LMBR1: variants seen among roughly 807,000 people sequenced by gnomAD.
LMBR1 encodes the protein limb development membrane protein 1.
In LMBR1, 52 loss-of-function variants were observed where a neutral mutation model predicts 73.9. That is an observed-to-expected ratio of 0.70 (90% CI 0.56 to 0.89). The LOEUF is 0.89. LMBR1 is among the 40% of genes least tolerant of loss of function. The pLI is 0.00. For missense variants in LMBR1, 539 were observed against 579.8 expected, an observed-to-expected ratio of 0.93 and a Z score of 0.72; for synonymous variants, 215 against 209.4, an observed-to-expected ratio of 1.03 and a Z score of -0.23.
chr7:156,719,482 T>G (rs1439959472), intron 15 of LMBR1, among the ~76,000 whole-genome samples: 3 of 152,186 alleles, frequency 2.0e-5, no homozygotes, highest in Non-Finnish European at 2.9e-5. Context: ...AAACATTCCA[T>G]GCTCATGGGT....
intron 15 of LMBR1, among the ~76,000 whole-genome samples, chr7:156,712,335 C>T (rs1406397478): frequency 1.3e-5 from 2 of 151,732 alleles, no homozygotes; most frequent in Non-Finnish European, 2.9e-5. Context: ...GTCAGAATGG[C>T]TACTATTAAA....
intron 4 of LMBR1, chr7:156,823,129 AAAAT>A (rs1013103057): frequency 1.3e-5 from 2 of 151,316 alleles, no homozygotes; most frequent in South Asian, 2.1e-4. Flanking sequence ...TTATAATAAT[AAAAT>A]AAATAAATAA....
rs370168313 is a variant in LMBR1, at chr7:156,798,519, T to C, written c.320-2027A>G. Among the ~76,000 whole-genome samples, 7 of 152,298 alleles carry C rather than the reference T, an allele frequency of 4.6e-5. 1 individual carries two copies. The highest frequency in any genetic ancestry group is 1.7e-4 in the African/African-American group (7 of 41,552). On this transcript the variant is annotated intron_variant, in intron 4 of 16. Transcript: ENST00000353442. Reference sequence around the variant, plus strand: ...ATACGCAACTTTTAAAAGTTGTATCTAAAGAATAAATTGACCTGGATCAAA... The same window carrying C: ...ATACGCAACTTTTAAAAGTTGTATCCAAAGAATAAATTGACCTGGATCAAA...
intron 1 of LMBR1, among the ~76,000 whole-genome samples, chr7:156,837,959 G>A (rs980775869): frequency 6.6e-6 from 1 of 151,764 alleles, no homozygotes; most frequent in East Asian, 1.9e-4. Flanking sequence ...GCTAATTCTT[G>A]TATTTTTTGG....
intron 15 of LMBR1, among the ~76,000 whole-genome samples, chr7:156,718,738 GA>G (rs979432630): frequency 1.3e-5 from 2 of 151,890 alleles, no homozygotes; most frequent in Admixed American, 1.3e-4. Context: ...ATCTGTTTCA[GA>G]AAAAAGAAAA....
At chr7:156,719,274 T>C (rs974278326) in intron 15 of LMBR1, among the ~76,000 whole-genome samples, 4 of 152,014 alleles carry the variant, frequency 2.6e-5, no homozygotes, top group Non-Finnish European at 5.9e-5. Context: ...GAATGATGAT[T>C]TCCAATTTCA....
At chr7:156,849,478 C>T (rs1276986867) in intron 1 of LMBR1, among the ~76,000 whole-genome samples, 1 of 152,116 alleles carries the variant, frequency 6.6e-6, no homozygotes, top group African/African-American at 2.4e-5. Flanking sequence ...ACATGTGCCC[C>T]TGAACCTAAA....
At chr7:156,876,590 A>T (rs1339037668) in intron 1 of LMBR1, among the ~76,000 whole-genome samples, 2 of 152,202 alleles carry the variant, frequency 1.3e-5, no homozygotes, top group Non-Finnish European at 1.5e-5. Context: ...GTCTTAATAA[A>T]TTTAAGAAAA....
chr7:156,689,352 T>C (rs1356184098), intron 15 of LMBR1, among the ~76,000 whole-genome samples: 4 of 152,234 alleles, frequency 2.6e-5, no homozygotes, highest in Non-Finnish European at 5.9e-5. Flanking sequence ...AATAAAATTA[T>C]GTACCTTGTA....
intron 4 of LMBR1, among the ~76,000 whole-genome samples, chr7:156,800,134 A>G (rs1436617194): frequency 1.3e-5 from 2 of 152,248 alleles, no homozygotes; most frequent in Non-Finnish European, 2.9e-5. Context: ...AAGACCATCA[A>G]TGAAAGTGGC....
intron 15 of LMBR1, among the ~76,000 whole-genome samples, chr7:156,692,503 A>G (rs961797498): frequency 6.6e-6 from 1 of 152,218 alleles, no homozygotes; most frequent in East Asian, 1.9e-4. Context: ...TTCCCTCTCA[A>G]CTTTATAAAC....
intron 6 of LMBR1, 39 bp from the exon 7 acceptor site, chr7:156,763,215 A>C: frequency 1.2e-6 from 1 of 829,252 alleles, no homozygotes; most frequent in Non-Finnish European, 1.9e-6. Flanking sequence ...TAAATCCAAA[A>C]TACTGCACAT....
At chr7:156,777,044 G>A (rs758772637) in intron 5 of LMBR1, among the ~76,000 whole-genome samples, 1 of 151,124 alleles carries the variant, frequency 6.6e-6, no homozygotes, top group Non-Finnish European at 1.5e-5. Context: ...CCACTCTCCC[G>A]CCTCAGCCTC....
intron 4 of LMBR1, among the ~76,000 whole-genome samples, chr7:156,801,075 GT>G (rs369413939): frequency 5.3e-4 from 81 of 152,310 alleles, no homozygotes; most frequent in African/African-American, 1.8e-3. Context: ...CATAAACTTA[GT>G]TGATAAAACA....
chr7:156,689,307 G>C (rs192652363), intron 15 of LMBR1, among the ~76,000 whole-genome samples: 484 of 152,174 alleles, frequency 3.2e-3, no homozygotes, highest in Non-Finnish European at 5.8e-3. Flanking sequence ...CAAAGAATTA[G>C]AATAAGTAAT....
intron 15 of LMBR1, among the ~76,000 whole-genome samples, chr7:156,722,678 C>A (rs995126650): frequency 2.0e-5 from 3 of 152,140 alleles, no homozygotes; most frequent in East Asian, 3.8e-4. Flanking sequence ...TGGGTCCAGG[C>A]ATTTGTTAGC....
At chr7:156,840,964 C>CAAAA (rs57968006) in intron 1 of LMBR1, among the ~76,000 whole-genome samples, 6 of 71,404 alleles carry the variant, frequency 8.4e-5, no homozygotes, top group Admixed American at 1.9e-4. Context: ...GACTCGGTCT[C>CAAAA]AAAAAAAAAA....
intron 1 of LMBR1, among the ~76,000 whole-genome samples, chr7:156,844,367 T>C (rs1839245763): frequency 1.3e-5 from 2 of 151,976 alleles, no homozygotes; most frequent in Non-Finnish European, 1.5e-5. Flanking sequence ...AATACAACTA[T>C]AACAGACCAA....
chr7:156,671,451 T>C lies in LMBR1; in HGVS notation n.867-2164A>G, dbSNP rs1023774142. ...TCTAAAGCAAAGGCATCATTAGAGA[T>C]AATGGTGTAGAACACCACACCGAGC... On this transcript the variant is annotated intron_variant and non_coding_transcript_variant, in intron 4 of 4. Transcript: ENST00000430825. Among the ~76,000 whole-genome samples, 3 of 152,260 alleles carry C rather than the reference T, an allele frequency of 2.0e-5. No individual in the cohort carries two copies. In the East Asian group the frequency reaches 5.8e-4, roughly 29 times the overall value.
Sources: gnomAD v4.1 joint callset for allele counts (sites outside exome capture counted in the v4.1 genomes callset) on GRCh38, gnomAD v4.1.1 for gene constraint, MANE v1.5 for transcripts, NCBI Gene and HGNC (gene_info 2026-07-23, HGNC 2026-07-21) for gene names.